CHCHD6: variants seen among roughly 807,000 people sequenced by gnomAD.
CHCHD6 encodes MICOS complex subunit MIC25.
CHCHD6 carries 28 observed loss-of-function variants against 32.3 expected under a neutral mutation model. That is an observed-to-expected ratio of 0.87 (90% CI 0.64 to 1.19). The LOEUF is 1.19. Among genes scored for constraint, CHCHD6 ranks in the 50% most tolerant of loss-of-function variants. The pLI is 0.00. For synonymous variants in CHCHD6, 122 were observed against 117.5 expected (o/e 1.04, Z -0.25); for missense variants, 333 against 307.0 (o/e 1.08, Z -0.63).
At chr3:126,899,603 C>G (rs949106772) in intron 5 of CHCHD6, among the ~76,000 whole-genome samples, 2 of 152,196 alleles carry the variant, frequency 1.3e-5, no homozygotes, top group African/African-American at 4.8e-5. Flanking sequence ...TTAGATGACA[C>G]AGCCCACCCA....
At chr3:126,916,189 T>G (rs2078167605) in intron 6 of CHCHD6, among the ~76,000 whole-genome samples, 1 of 151,726 alleles carries the variant, frequency 6.6e-6, no homozygotes, top group South Asian at 2.1e-4. Flanking sequence ...TCACCTGAGG[T>G]CAAGAGTTCA....
intron 3 of CHCHD6, among the ~76,000 whole-genome samples, chr3:126,731,710 T>A (rs990010375): frequency 1.3e-5 from 2 of 152,166 alleles, no homozygotes; most frequent in African/African-American, 4.8e-5. Flanking sequence ...TCAGCCATGT[T>A]GGGTCTGTTG....
chr3:126,779,876 C>G (rs1293692281), intron 4 of CHCHD6, among the ~76,000 whole-genome samples: 1 of 152,194 alleles, frequency 6.6e-6, no homozygotes, highest in Non-Finnish European at 1.5e-5. Flanking sequence ...AAGAAAAAGT[C>G]ATGTCCTATT....
chr3:126,888,677 G>A (rs1174908985), intron 5 of CHCHD6, among the ~76,000 whole-genome samples: 1 of 152,176 alleles, frequency 6.6e-6, no homozygotes, highest in African/African-American at 2.4e-5. Flanking sequence ...GCCCTCGTCT[G>A]GTGAGTAGAC....
chr3:126,819,035 C>T (rs1473959753), intron 4 of CHCHD6, among the ~76,000 whole-genome samples: 8 of 152,186 alleles, frequency 5.3e-5, no homozygotes, highest in Admixed American at 2.0e-4. Context: ...TAGGGGCCTC[C>T]GCTTCCACTG....
intron 4 of CHCHD6, among the ~76,000 whole-genome samples, chr3:126,744,017 C>T (rs1426867335): frequency 1.3e-5 from 2 of 152,202 alleles, no homozygotes; most frequent in African/African-American, 4.8e-5. Context: ...TGTACCCCTG[C>T]TCCTCTTCCT....
intron 5 of CHCHD6, among the ~76,000 whole-genome samples, chr3:126,878,093 G>T (rs987191796): frequency 6.6e-6 from 1 of 152,220 alleles, no homozygotes; most frequent in Non-Finnish European, 1.5e-5. Flanking sequence ...AGTTCTCACT[G>T]TAGGGGACAG....
intron 5 of CHCHD6, chr3:126,854,955 A>G (rs1322364373): frequency 1.3e-5 from 2 of 152,212 alleles, no homozygotes; most frequent in Non-Finnish European, 2.9e-5. Context: ...GCAGGTAAGG[A>G]AAGCCTGCAC....
At chr3:126,714,507 ATCT>A (rs1239724890) in intron 1 of CHCHD6, among the ~76,000 whole-genome samples, 8 of 152,242 alleles carry the variant, frequency 5.3e-5, no homozygotes, top group African/African-American at 1.2e-4. Flanking sequence ...CAAGGGGGTG[ATCT>A]TCTTCGGATC....
At position 126,743,220 on chromosome 3, in the gene CHCHD6, G is replaced by A. The variant is rs547123019; in HGVS notation, c.411+9998G>A. Among the ~76,000 whole-genome samples, 20 of 152,306 alleles carry A rather than the reference G, an allele frequency of 1.3e-4. No homozygotes were observed. In the South Asian group the frequency reaches 4.1e-3, roughly 32 times the overall value. ...TAGAATGGCCCTGCTGTAGGAAGGG[G>A]GAGCCCAACATTTTTTGAGTAGCAG... is the stretch of plus-strand genomic sequence containing the variant. On this transcript the variant is annotated intron_variant, in intron 4 of 7. Coordinates refer to ENST00000290913, the MANE Select transcript of CHCHD6 (RefSeq NM_032343.3).
chr3:126,766,509 C>T, intron 4 of CHCHD6: 1 of 778,464 alleles, frequency 1.3e-6, no homozygotes, highest in Non-Finnish European at 2.3e-6. Context: ...CTCTTGGTGT[C>T]ACCAAAGAGT....
chr3:126,873,334 T>G (rs895388105), intron 5 of CHCHD6, among the ~76,000 whole-genome samples: 1 of 152,118 alleles, frequency 6.6e-6, no homozygotes, highest in Non-Finnish European at 1.5e-5. Flanking sequence ...CTCCCGAAGC[T>G]CTCTCTCCCA....
intron 4 of CHCHD6, among the ~76,000 whole-genome samples, chr3:126,762,090 GAACC>G (rs1937180773): frequency 6.6e-6 from 1 of 152,080 alleles, no homozygotes; most frequent in Non-Finnish European, 1.5e-5. Flanking sequence ...TCTTTTAAAA[GAACC>G]AACTTTTGAC....
intron 4 of CHCHD6, among the ~76,000 whole-genome samples, chr3:126,795,034 T>C (rs532168955): frequency 2.0e-5 from 3 of 152,288 alleles, no homozygotes; most frequent in South Asian, 4.1e-4. Context: ...TAGACATTTT[T>C]AGCTACAAGG....
rs998015938 is a variant in CHCHD6 at position 126,921,315 on chromosome 3, C to A, written c.566+6565C>A. Among the ~76,000 whole-genome samples the A allele has an allele frequency of 2.0e-5, 3 of 152,260 alleles. No homozygotes were observed. The East Asian group carries it at 5.8e-4, about 29-fold the overall frequency. The stretch of plus-strand genomic sequence containing the variant: ...TGATGGCAAGGCTGACAGTCACAGA[C>A]TAGGGCCTCTTGTTTTGGAAGAATC... On this transcript the variant is annotated intron_variant, in intron 6 of 7. Coordinates refer to ENST00000290913, the MANE Select transcript of CHCHD6 (RefSeq NM_032343.3).
At chr3:126,716,265 C>T (rs1935010745) in intron 1 of CHCHD6, among the ~76,000 whole-genome samples, 1 of 152,334 alleles carries the variant, frequency 6.6e-6, no homozygotes, top group South Asian at 2.1e-4. Context: ...AGCCGTGGTG[C>T]TCCTTGGAGC....
chr3:126,950,535 C>T (rs1032548575), intron 6 of CHCHD6, among the ~76,000 whole-genome samples: 1 of 152,216 alleles, frequency 6.6e-6, no homozygotes, highest in Non-Finnish European at 1.5e-5. Flanking sequence ...CACTGCACAC[C>T]TGCCTCCTGG....
chr3:126,957,243 C>G (rs2107610722), intron 6 of CHCHD6, 173 bp from the exon 7 acceptor site: 1 of 729,040 alleles, frequency 1.4e-6, no homozygotes, highest in Non-Finnish European at 2.3e-6. Flanking sequence ...CGACCGTCCT[C>G]TCATTTCTAG....
chr3:126,893,636 G>C (rs2077796427), intron 5 of CHCHD6, among the ~76,000 whole-genome samples: 1 of 152,230 alleles, frequency 6.6e-6, no homozygotes, highest in Non-Finnish European at 1.5e-5. Context: ...AGGGAAATTT[G>C]CCTATGAAAG....
Sources: allele counts gnomAD v4.1 joint callset (sites outside exome capture counted in the v4.1 genomes callset), GRCh38; gene constraint gnomAD v4.1.1; transcripts MANE v1.5; gene names NCBI Gene and HGNC (gene_info 2026-07-23, HGNC 2026-07-21).